The following RBCK1 variants were observed in gnomAD, a reference collection of about 807,000 sequenced individuals.
RBCK1 encodes ranBP-type and C3HC4-type zinc finger-containing protein 1.
In RBCK1, 44 loss-of-function variants were observed where a neutral mutation model predicts 71.1. The ratio of observed to expected loss-of-function variants is 0.62; its 90% CI spans 0.49 to 0.80. The LOEUF (loss-of-function observed/expected upper bound fraction) is 0.80. RBCK1 is among the 30% of genes least tolerant of loss of function. The probability of loss-of-function intolerance (pLI) is 0.00; values close to 1 mark genes in which losing one functional copy is unlikely to be tolerated. For missense variants in RBCK1, 569 were observed against 685.0 expected, an observed-to-expected ratio of 0.83 and a Z score of 1.89; for synonymous variants, 306 against 279.7, an observed-to-expected ratio of 1.09 and a Z score of -0.94.
intron 8 of RBCK1, among the ~76,000 whole-genome samples, chr20:423,730 C>T (rs572353750): frequency 2.6e-5 from 4 of 152,120 alleles, no homozygotes; most frequent in East Asian, 1.9e-4. Flanking sequence ...CTCTGGATAC[C>T]GAGGGATGAC....
At chr20:429,520 C>T (rs750519863) in intron 11 of RBCK1, among the ~76,000 whole-genome samples, 2 of 152,188 alleles carry the variant, frequency 1.3e-5, no homozygotes, top group Non-Finnish European at 2.9e-5. Flanking sequence ...GCCACCGGGC[C>T]GCAAGAATGT....
At chr20:418,407 C>T (rs181270406) in intron 4 of RBCK1, among the ~76,000 whole-genome samples, 41 of 152,000 alleles carry the variant, frequency 2.7e-4, no homozygotes, top group African/African-American at 3.9e-4. Context: ...CTCGCTCTGT[C>T]GCCCAGGCTG....
intron 4 of RBCK1, among the ~76,000 whole-genome samples, chr20:419,000 T>C (rs751653272): frequency 5.3e-5 from 8 of 151,928 alleles, no homozygotes; most frequent in Non-Finnish European, 8.8e-5. Context: ...TTGGCGGGGG[T>C]TGGGGGCTGA....
intron 4 of RBCK1, among the ~76,000 whole-genome samples, chr20:418,506 C>T (rs1340359514): frequency 2.6e-5 from 4 of 152,210 alleles, no homozygotes; most frequent in South Asian, 2.1e-4. Flanking sequence ...GTAGCTGGGA[C>T]TACAGGCGCC....
At chr20:410,729 T>G in intron 2 of RBCK1, 1 of 574,974 alleles carries the variant, frequency 1.7e-6, no homozygotes, top group Non-Finnish European at 3.1e-6. Flanking sequence ...CCTGGCGTGT[T>G]ATGCACTCAA....
At position 408,628 on chromosome 20, in the gene RBCK1, C is replaced by T; in HGVS notation, c.-130C>T. 1 of 1,220,112 alleles carries T rather than the reference C, an allele frequency of 8.2e-7. No homozygotes were observed. Among genetic ancestry groups the T allele is most frequent in the Non-Finnish European group, 1.2e-6 (1 of 850,150 alleles). 75.6% of individuals were successfully genotyped at this position (1,220,112 alleles called of 1,614,324 possible). On this transcript the variant is annotated 5_prime_UTR_variant, in exon 1 of 12. Coordinates refer to ENST00000356286, the MANE Select transcript of RBCK1 (RefSeq NM_031229.4). ...CGGGGACAGCGAGGCACACACAGGG[C>T]TTGGGCCGCGCCGGAGGCCACACGG...
At chr20:421,113 G>C (rs756942322) in intron 7 of RBCK1, 82 bp downstream of exon 7, 135 of 1,435,526 alleles carry the variant, frequency 9.4e-5, no homozygotes, top group Non-Finnish European at 1.2e-4. Flanking sequence ...GTGGGGCCCT[G>C]TGCTCTGATA....
At position 427,510 on chromosome 20, in the gene RBCK1, TC is replaced by T. The variant is rs2016795557; in HGVS notation, c.1209+24del. On this transcript the variant is annotated intron_variant, in intron 9 of 11. Transcript: ENST00000356286. ...TCTGCAAGGTGGGGCCTGCAGGGAC[TC>T]CCCCCACCTAGTCACTGTCATCTTG... The T allele has an allele frequency of 1.2e-6, 2 of 1,610,722 alleles. No individual in the cohort carries two copies. The highest frequency in any genetic ancestry group is 1.7e-5 in the Admixed American group (1 of 59,960).
Position 428,921 on chromosome 20 carries a change from GC to G in RBCK1, c.1309-26del. 6.3e-7 allele frequency: 1 copy of G among 1,583,720 alleles called. No homozygotes were observed. On this transcript the variant is annotated intron_variant, in intron 10 of 11. Coordinates refer to ENST00000356286, the MANE Select transcript of RBCK1 (RefSeq NM_031229.4). This position sits in a 1 kb window ranked among gnomAD's most constrained non-coding sequence, Gnocchi z 5.7. ...CAGGCTGGGTGACTGCCCCAGCCCCGCCCCAGGGCCAGCACCTGCCCCACTC... is the reference window on the plus strand; with the variant it reads ...CAGGCTGGGTGACTGCCCCAGCCCCGCCCAGGGCCAGCACCTGCCCCACTC...
chr20:417,556 GCACACCGTCACCATCTGGCT>G lies in RBCK1; in HGVS notation c.203_222del (p.Thr68SerfsTer4). 1 of 1,613,898 alleles carries G rather than the reference GCACACCGTCACCATCTGGCT, an allele frequency of 6.2e-7. No individual in the cohort carries two copies. Among genetic ancestry groups the G allele is most frequent in the East Asian group, 2.2e-5 (1 of 44,888 alleles). Reference sequence around the variant, plus strand: ...GGGTGAGCGTGGAGGATGCTCAGATGCACACCGTCACCATCTGGCTCACAGTGCGCCCTGATATGACAGTG... The same window carrying G: ...GGGTGAGCGTGGAGGATGCTCAGATGCACAGTGCGCCCTGATATGACAGTG... On this transcript the variant is annotated frameshift_variant, in exon 3 of 12. Coordinates refer to ENST00000356286, the MANE Select transcript of RBCK1 (RefSeq NM_031229.4). LOFTEE classifies it high-confidence loss of function. This position sits in a 1 kb window ranked among gnomAD's most constrained non-coding sequence, Gnocchi z 4.7.
intron 2 of RBCK1, among the ~76,000 whole-genome samples, chr20:412,420 A>G (rs1946904768): frequency 6.6e-6 from 1 of 151,818 alleles, no homozygotes; most frequent in Non-Finnish European, 1.5e-5. Context: ...TCCCAGGTTC[A>G]AGTGATTCTC....
At chr20:412,968 G>C (rs940687738) in intron 2 of RBCK1, among the ~76,000 whole-genome samples, 1 of 152,130 alleles carries the variant, frequency 6.6e-6, no homozygotes, top group Non-Finnish European at 1.5e-5. Flanking sequence ...TTTTATATAA[G>C]GTGTGAGGTA....
chr20:410,147 T>C (rs1664865612), intron 2 of RBCK1, 122 bp downstream of exon 2: 4 of 1,116,958 alleles, frequency 3.6e-6, no homozygotes, highest in East Asian at 5.2e-5. Flanking sequence ...ACCCTAGTTA[T>C]GTCATTAATC....
chr20:421,381 C>G (rs989742408), intron 7 of RBCK1, among the ~76,000 whole-genome samples: 2 of 152,204 alleles, frequency 1.3e-5, no homozygotes, highest in African/African-American at 4.8e-5. Context: ...ATGGCCCCCC[C>G]ACCCCTGAAT....
chr20:427,638 G>A, intron 9 of RBCK1, 146 bp downstream of exon 9: 1 of 912,950 alleles, frequency 1.1e-6, no homozygotes, highest in South Asian at 1.7e-5. Context: ...GGAGAGTGTG[G>A]CTTGAGCCTG....
intron 2 of RBCK1, among the ~76,000 whole-genome samples, chr20:416,727 C>T (rs2016013185): frequency 1.3e-5 from 2 of 152,218 alleles, no homozygotes; most frequent in Non-Finnish European, 1.5e-5. Flanking sequence ...TGGCTGAACA[C>T]AGTGGCTTAC....
chr20:420,406 C>G, intron 6 of RBCK1: 3 of 984,956 alleles, frequency 3.0e-6, no homozygotes, highest in Non-Finnish European at 3.6e-6. Flanking sequence ...CCCCTGGCCA[C>G]CCCACTCCTG....
Position 417,641 on chromosome 20 carries a change from G to T in RBCK1, c.261+22G>T. ...CATGGTGAGTGAGGAGGCGGAGGGC[G>T]ACACTGGGGTGAAGGCTCTCCCTTT... On this transcript the variant is annotated intron_variant, in intron 3 of 11. Transcript: ENST00000356286. The surrounding 1 kb of genome is among the most constrained non-coding windows in gnomAD (Gnocchi z 4.7). 1 of 1,609,732 alleles carries T rather than the reference G, an allele frequency of 6.2e-7. No individual in the cohort carries two copies. Among genetic ancestry groups the T allele is most frequent in the South Asian group, 1.1e-5 (1 of 90,976 alleles).
chr20:426,347 G>A lies in RBCK1; in HGVS notation c.1030-966G>A, dbSNP rs563058912. Among the ~76,000 whole-genome samples the A allele has an allele frequency of 2.4e-3, 371 of 152,152 alleles. 1 individual carries two copies. The highest frequency in any genetic ancestry group is 4.2e-3 in the Non-Finnish European group (288 of 67,996). On this transcript the variant is annotated intron_variant, in intron 8 of 11. Transcript: ENST00000356286. ...TTTGCCATCCCCACTCCCCTGCCAC[G>A]CCTCACTACCCTTTGCAGCCTCTGG...
Sources: gnomAD v4.1 joint callset for allele counts (sites outside exome capture counted in the v4.1 genomes callset) on GRCh38, gnomAD v4.1.1 for gene constraint, Gnocchi (gnomAD v3.1) non-coding constraint, MANE v1.5 for transcripts, NCBI Gene and HGNC (gene_info 2026-07-23, HGNC 2026-07-21) for gene names.